The following CCSER1 variants were observed in gnomAD, a reference collection of about 807,000 sequenced individuals.
CCSER1 encodes coiled-coil serine rich protein 1, also known as serine-rich coiled-coil domain-containing protein 1.
Under a neutral mutation model 82.0 loss-of-function variants are expected in CCSER1, and 41 were observed. That is an observed-to-expected ratio of 0.50 (90% confidence interval 0.39 to 0.65). The LOEUF (loss-of-function observed/expected upper bound fraction) is 0.65, where lower values mean the gene tolerates loss of function less well. Among genes scored for constraint, CCSER1 ranks in the 30% least tolerant of loss-of-function variants. The pLI, the probability that CCSER1 is intolerant of heterozygous loss-of-function variation, is 0.00. For missense variants in CCSER1, 1,119 were observed against 1,064.2 expected (o/e 1.05, Z -0.72); for synonymous variants, 414 against 383.9 (o/e 1.08, Z -0.92).
rs890992710 is a variant in CCSER1, at chr4:90,517,429, C to T, written c.1724+49075C>T. Among the ~76,000 whole-genome samples the T allele has an allele frequency of 2.6e-5, 4 of 152,096 alleles. No individual in the cohort carries two copies. In the East Asian group the frequency reaches 5.8e-4, roughly 22 times the overall value. ...TGGATTGAAAGGTCACAGTGACTCT[C>T]GTGTATCTGACTCACATAAGTAGAT... On this transcript the variant is annotated intron_variant, in intron 5 of 10. Coordinates refer to ENST00000509176, the MANE Select transcript of CCSER1 (RefSeq NM_001145065.2).
At chr4:90,689,582 A>T (rs13143178) in intron 6 of CCSER1, among the ~76,000 whole-genome samples, 2 of 151,794 alleles carry the variant, frequency 1.3e-5, no homozygotes, top group African/African-American at 4.8e-5. Context: ...CTCAAAAATA[A>T]TTAGTAGTGT....
rs1457698746 is a variant in CCSER1 at position 91,140,272 on chromosome 4, T to A, written c.2217+54278T>A. Among the ~76,000 whole-genome samples, 3 of 151,888 alleles carry A rather than the reference T, an allele frequency of 2.0e-5. No homozygotes were observed. In the East Asian group the frequency reaches 5.8e-4, roughly 29 times the overall value. The stretch of plus-strand genomic sequence containing the variant: ...AGAAAAGCAGAAAATAAAAGGATTT[T>A]AATTCATTTTTGTGTGATTATTATA... On this transcript the variant is annotated intron_variant, in intron 10 of 10. Transcript: ENST00000509176.
intron 10 of CCSER1, among the ~76,000 whole-genome samples, chr4:91,118,426 C>A (rs1726817471): frequency 6.6e-6 from 1 of 151,864 alleles, no homozygotes; most frequent in Non-Finnish European, 1.5e-5. Flanking sequence ...AGGTACACAC[C>A]ACTGCACTTG....
rs565561397 is a variant in CCSER1, at chr4:90,839,065, G to A, written c.2094+23220G>A. 5.0e-6 allele frequency: 8 copies of A among 1,601,604 alleles called. No homozygotes were observed. The African/African-American group carries it at 6.7e-5, about 13-fold the overall frequency. ...TTGCGGAGGAAAAGCGGAGCGAGGC[G>A]CGCGAGTACGAGCGAAGTCTGGTCT... On this transcript the variant is annotated intron_variant, in intron 8 of 10. Transcript: ENST00000509176.
At chr4:90,837,236 TTCTAAGTATATA>T (rs1293773044) in intron 8 of CCSER1, among the ~76,000 whole-genome samples, 2 of 152,194 alleles carry the variant, frequency 1.3e-5, no homozygotes, top group Non-Finnish European at 2.9e-5. Context: ...ATTATTTTTC[TTCTAAGTATATA>T]TCTTTTTAAC....
At chr4:91,260,645 T>TA (rs1185421211) in intron 10 of CCSER1, among the ~76,000 whole-genome samples, 6 of 152,230 alleles carry the variant, frequency 3.9e-5, no homozygotes, top group African/African-American at 1.2e-4. Flanking sequence ...TGAGTCTTCT[T>TA]ACGGCAAAAG....
chr4:91,532,853 G>C (rs1761107227), intron 10 of CCSER1, among the ~76,000 whole-genome samples: 1 of 149,820 alleles, frequency 6.7e-6, no homozygotes, highest in South Asian at 2.1e-4. Flanking sequence ...CTGGATGACA[G>C]AATGAAACCC....
chr4:91,413,433 C>G (rs1753180152), intron 10 of CCSER1, among the ~76,000 whole-genome samples: 3 of 151,640 alleles, frequency 2.0e-5, no homozygotes, highest in Admixed American at 6.6e-5. Flanking sequence ...GCATTCAAGC[C>G]TGGGTGACAG....
intron 9 of CCSER1, among the ~76,000 whole-genome samples, chr4:91,005,717 A>G (rs559218731): frequency 1.3e-5 from 2 of 152,314 alleles, no homozygotes; most frequent in South Asian, 2.1e-4. Flanking sequence ...TTGGTGTGCA[A>G]TGGTAATAGA....
intron 10 of CCSER1, among the ~76,000 whole-genome samples, chr4:91,149,560 A>C (rs1284521212): frequency 6.6e-6 from 1 of 152,174 alleles, no homozygotes; most frequent in African/African-American, 2.4e-5. Context: ...GCCCATGCCT[A>C]TGTCCTGAAT....
At chr4:90,453,420 G>T (rs1761753549) in intron 4 of CCSER1, among the ~76,000 whole-genome samples, 1 of 152,134 alleles carries the variant, frequency 6.6e-6, no homozygotes, top group Non-Finnish European at 1.5e-5. Flanking sequence ...GTTTGAGAAG[G>T]CCCTGAATCT....
intron 6 of CCSER1, among the ~76,000 whole-genome samples, chr4:90,653,603 T>A (rs932095629): frequency 2.0e-5 from 3 of 152,164 alleles, no homozygotes; most frequent in Non-Finnish European, 4.4e-5. Flanking sequence ...ATCTTATTTT[T>A]TAACATAATT....
chr4:90,511,281 G>A (rs919500564), intron 5 of CCSER1, among the ~76,000 whole-genome samples: 1 of 152,080 alleles, frequency 6.6e-6, no homozygotes, highest in African/African-American at 2.4e-5. Context: ...AGCCGGGCGT[G>A]GTGGCACACA....
intron 3 of CCSER1, among the ~76,000 whole-genome samples, chr4:90,327,580 C>T (rs1183905025): frequency 6.6e-6 from 1 of 152,224 alleles, no homozygotes; most frequent in Non-Finnish European, 1.5e-5. Flanking sequence ...TTGCCATACT[C>T]ATTTTCTCAC....
At chr4:90,136,518 T>C (rs1006053834) in intron 1 of CCSER1, among the ~76,000 whole-genome samples, 2 of 152,218 alleles carry the variant, frequency 1.3e-5, no homozygotes, top group African/African-American at 4.8e-5. Context: ...GAAGCAAATA[T>C]TATGAATCTG....
chr4:91,583,554 T>C (rs1763836283), intron 10 of CCSER1, among the ~76,000 whole-genome samples: 1 of 151,424 alleles, frequency 6.6e-6, no homozygotes, highest in South Asian at 2.1e-4. Context: ...TCTATAGAGT[T>C]CCTTGACATT....
intron 1 of CCSER1, among the ~76,000 whole-genome samples, chr4:90,270,342 A>T (rs1385270468): frequency 6.6e-6 from 1 of 152,172 alleles, no homozygotes; most frequent in Non-Finnish European, 1.5e-5. Flanking sequence ...TATTCCAGGG[A>T]TGCAAGGATG....
chr4:90,348,619 T>G (rs2153509249), intron 3 of CCSER1, among the ~76,000 whole-genome samples: 1 of 152,262 alleles, frequency 6.6e-6, no homozygotes, highest in East Asian at 1.9e-4. Flanking sequence ...ATTAAGACAA[T>G]TGTTCATTTG....
intron 7 of CCSER1, among the ~76,000 whole-genome samples, chr4:90,779,443 G>A (rs1028852176): frequency 2.0e-5 from 3 of 151,860 alleles, no homozygotes; most frequent in Non-Finnish European, 4.4e-5. Context: ...TGTGCAATTT[G>A]AATCTGTCCC....
Sources: gnomAD v4.1 joint callset for allele counts (sites outside exome capture counted in the v4.1 genomes callset) on GRCh38, gnomAD v4.1.1 for gene constraint, MANE v1.5 for transcripts, NCBI Gene and HGNC (gene_info 2026-07-23, HGNC 2026-07-21) for gene names.